Variants in IQGAP1 observed in about 807,000 individuals in gnomAD.
IQGAP1 encodes the protein IQ motif containing GTPase activating protein 1.
A neutral mutation model predicts 215.6 loss-of-function variants in IQGAP1; 66 were observed. The observed-to-expected ratio is 0.31, with a 90% CI of 0.25 to 0.38. IQGAP1 has a LOEUF of 0.38. IQGAP1 is among the 10% of genes least tolerant of loss of function. IQGAP1 has a pLI of 1.00. For synonymous variants in IQGAP1, 772 were observed against 728.7 expected, an observed-to-expected ratio of 1.06 and a Z score of -0.96; for missense variants, 1,712 against 1,997.1, an observed-to-expected ratio of 0.86 and a Z score of 2.72.
intron 15 of IQGAP1, among the ~76,000 whole-genome samples, chr15:90,460,074 C>T (rs150008220): frequency 3.3e-5 from 5 of 151,966 alleles, no homozygotes; most frequent in East Asian, 3.9e-4. Flanking sequence ...AAAGGGGTCC[C>T]GATGCAGACC....
intron 15 of IQGAP1, among the ~76,000 whole-genome samples, chr15:90,462,744 C>G (rs1368293944): frequency 6.6e-6 from 1 of 152,130 alleles, no homozygotes; most frequent in Non-Finnish European, 1.5e-5. Context: ...CTTCTACCTC[C>G]AATCATTGCC....
intron 15 of IQGAP1, 150 bp downstream of exon 15, chr15:90,456,465 G>A: frequency 2.8e-6 from 2 of 703,390 alleles, no homozygotes; most frequent in South Asian, 4.4e-5. Context: ...AAAAATGTGA[G>A]AGACATAGGC....
Position 90,477,659 on chromosome 15 carries a change from T to G in IQGAP1, c.3105-6T>G. The G allele has an allele frequency of 6.3e-7, 1 of 1,595,856 alleles. No individual in the cohort carries two copies. ...CAAGTTTAAATTTTTATCTGATGTT[T>G]TATAGGTCGAAGGTAGATCAGATTC... On this transcript the variant is annotated splice_polypyrimidine_tract_variant and splice_region_variant and intron_variant, in intron 25 of 37. Transcript: ENST00000268182.
chr15:90,439,242 T>C, intron 5 of IQGAP1, 90 bp from the exon 6 acceptor site: 1 of 860,760 alleles, frequency 1.2e-6, no homozygotes, highest in South Asian at 1.5e-5. Context: ...AGAATACTTC[T>C]ATTTTATACT....
chr15:90,388,487 G>C (rs988753840), intron 1 of IQGAP1, 91 bp downstream of exon 1: 5 of 1,078,080 alleles, frequency 4.6e-6, no homozygotes, highest in Non-Finnish European at 5.0e-6. Flanking sequence ...GGGCGGGTGG[G>C]GCAGGGCGGC....
chr15:90,395,622 C>CT (rs1964707876), intron 2 of IQGAP1, among the ~76,000 whole-genome samples: 1 of 152,068 alleles, frequency 6.6e-6, no homozygotes, highest in Non-Finnish European at 1.5e-5. Flanking sequence ...GCCCGGCCGG[C>CT]TAAAGAGCAG....
At position 90,456,198 on chromosome 15, in the gene IQGAP1, T is replaced by G. The variant is rs1450857228; in HGVS notation, c.1659T>G (p.Asp553Glu). 1 of 1,614,130 alleles carries G rather than the reference T, an allele frequency of 6.2e-7. No individual in the cohort carries two copies. The change falls in exon 15 of 38, where the codon GAT (aspartate) becomes GAG (glutamate). Residue 553 changes from aspartate (D) to glutamate (E), a missense_variant. Physicochemically the swap from Asp to Glu is conservative, Grantham distance 45. Transcript: ENST00000268182. ...GLINEALDEG[D>E]AQKTLQALQI... is the part of the protein sequence containing the mutation. ...TTAATGAAGCCCTGGATGAAGGTGA[T>G]GCCCAAAAGACTCTGCAGGCCCTAC...
chr15:90,417,350 T>C (rs1965068150), intron 2 of IQGAP1, among the ~76,000 whole-genome samples: 1 of 152,228 alleles, frequency 6.6e-6, no homozygotes, highest in Admixed American at 6.5e-5. Flanking sequence ...GGTCTAACAT[T>C]TAAGTCTTTA....
At chr15:90,402,948 G>A (rs891400307) in intron 2 of IQGAP1, among the ~76,000 whole-genome samples, 1 of 152,092 alleles carries the variant, frequency 6.6e-6, no homozygotes, top group Admixed American at 6.6e-5. Context: ...AACAAAATTT[G>A]TCTTTTATTT....
At chr15:90,442,854 C>T (rs1197723876) in intron 8 of IQGAP1, among the ~76,000 whole-genome samples, 1 of 151,698 alleles carries the variant, frequency 6.6e-6, no homozygotes, top group Admixed American at 6.6e-5. Context: ...CGCCTGTAGT[C>T]CCAGCTACTC....
chr15:90,453,039 T>C (rs1965628163), intron 12 of IQGAP1, 93 bp from the exon 13 acceptor site: 6 of 1,553,506 alleles, frequency 3.9e-6, no homozygotes, highest in Non-Finnish European at 5.2e-6. Context: ...TTGCATAAAC[T>C]TGGTTTTCTT....
intron 2 of IQGAP1, among the ~76,000 whole-genome samples, chr15:90,408,029 G>A (rs934489171): frequency 6.6e-6 from 1 of 152,222 alleles, no homozygotes; most frequent in African/African-American, 2.4e-5. Flanking sequence ...ATTATTTTAT[G>A]GCTGGGTTTT....
chr15:90,467,646 A>G lies in IQGAP1; in HGVS notation c.2178+54A>G, dbSNP rs914039093. 11 of 1,532,202 alleles carry G rather than the reference A, an allele frequency of 7.2e-6. No homozygotes were observed. In the Middle Eastern group the frequency reaches 9.3e-4, roughly 130 times the overall value. The allele number at this position is 1,532,202 out of a possible 1,614,324, so 94.9% of individuals were successfully genotyped here. On this transcript the variant is annotated intron_variant, in intron 18 of 37. Coordinates refer to ENST00000268182, the MANE Select transcript of IQGAP1 (RefSeq NM_003870.4). ...AGCTGAGAGAAAGTGTTTTCAAGCT[A>G]TAATATTAATTAAGAGGAACAGGGC...
At chr15:90,408,467 A>G (rs1386578791) in intron 2 of IQGAP1, among the ~76,000 whole-genome samples, 2 of 152,204 alleles carry the variant, frequency 1.3e-5, no homozygotes, top group Non-Finnish European at 2.9e-5. Context: ...CCTTATGTAC[A>G]TAAATAACTA....
chr15:90,474,902 C>T (rs1293886626), intron 23 of IQGAP1: 2 of 546,974 alleles, frequency 3.7e-6, no homozygotes, highest in African/African-American at 1.9e-5. Flanking sequence ...CTCTGCCTCC[C>T]AGGTTCAAGC....
chr15:90,407,826 G>C (rs1964901086), intron 2 of IQGAP1, among the ~76,000 whole-genome samples: 2 of 152,168 alleles, frequency 1.3e-5, no homozygotes, highest in Admixed American at 1.3e-4. Context: ...GACACTCTGG[G>C]AGAACTGAAG....
intron 2 of IQGAP1, among the ~76,000 whole-genome samples, chr15:90,392,111 C>A (rs1267022078): frequency 6.6e-6 from 1 of 151,982 alleles, no homozygotes; most frequent in Non-Finnish European, 1.5e-5. Flanking sequence ...CATTTAAAGT[C>A]TTTTTTGTGC....
chr15:90,476,889 C>A, intron 24 of IQGAP1, 71 bp downstream of exon 24: 1 of 1,512,854 alleles, frequency 6.6e-7, no homozygotes, highest in Non-Finnish European at 9.0e-7. Context: ...GCCTTACCAT[C>A]GATCTCTCTG....
chr15:90,416,400 A>T (rs1196468427), intron 2 of IQGAP1, among the ~76,000 whole-genome samples: 3 of 152,160 alleles, frequency 2.0e-5, no homozygotes, highest in Middle Eastern at 3.2e-3. Flanking sequence ...CATGATTTAT[A>T]ATCCTTTGGG....
Sources: allele counts gnomAD v4.1 joint callset (sites outside exome capture counted in the v4.1 genomes callset), GRCh38; gene constraint gnomAD v4.1.1; transcripts MANE v1.5; gene names NCBI Gene and HGNC (gene_info 2026-07-23, HGNC 2026-07-21).